CFAP97: variants seen among roughly 807,000 people sequenced by gnomAD.
CFAP97 encodes cilia- and flagella-associated protein 97.
Under a neutral mutation model 43.1 loss-of-function variants are expected in CFAP97, and 36 were observed. The observed-to-expected ratio is 0.84, with a 90% CI of 0.64 to 1.10. The LOEUF (loss-of-function observed/expected upper bound fraction) is 1.10, where lower values mean the gene tolerates loss of function less well. Among genes scored for constraint, CFAP97 ranks in the 50% least tolerant of loss-of-function variants. The pLI, the probability that CFAP97 is intolerant of heterozygous loss-of-function variation, is 0.00. For synonymous variants in CFAP97, 228 were observed against 225.7 expected, an observed-to-expected ratio of 1.01 and a Z score of -0.09; for missense variants, 657 against 620.3, an observed-to-expected ratio of 1.06 and a Z score of -0.63.
At position 185,190,817 on chromosome 4, in the gene CFAP97, CCTT is replaced by C. The variant is rs528775501; in HGVS notation, c.377_379del (p.Glu126del). ...TCCATCTGTGTAGTAATCATCTTCA[CCTT>C]CTTTTACAATTTTGGGAATTCTATT... On this transcript the variant is annotated inframe_deletion, in exon 2 of 5. Coordinates refer to ENST00000458385, the MANE Select transcript of CFAP97 (RefSeq NM_020827.3). 1,162 of 1,608,772 alleles carry C rather than the reference CCTT, an allele frequency of 7.2e-4. 7 individuals carry two copies. The African/African-American group carries it at 0.014, about 19-fold the overall frequency.
chr4:185,190,650 C>G lies in CFAP97; in HGVS notation c.547G>C (p.Gly183Arg), dbSNP rs1736201758. 6.3e-7 allele frequency: 1 copy of G among 1,585,868 alleles called. No homozygotes were observed. The highest frequency in any genetic ancestry group is 8.6e-7 in the Non-Finnish European group (1 of 1,164,994). Residue 183 changes from glycine (G) to arginine (R), a missense_variant, in exon 2 of 5, where the codon GGT becomes CGT. By Grantham distance (125) the Gly-to-Arg change is moderately radical (BLOSUM62 -2). Transcript: ENST00000458385. ...SSSSLSSSSS[G>R]SGTDCLDAGS... ...GCATCTAAACAATCTGTACCTGAAC[C>G]TGAAGATGAGGAAGATAAAGAGGAG...
At chr4:185,187,247 A>G (rs916106377) in intron 2 of CFAP97, among the ~76,000 whole-genome samples, 2 of 152,196 alleles carry the variant, frequency 1.3e-5, no homozygotes, top group Non-Finnish European at 2.9e-5. Flanking sequence ...ATTTCCATGA[A>G]CATATGAAAT....
intron 2 of CFAP97, among the ~76,000 whole-genome samples, chr4:185,177,239 C>T (rs972389766): frequency 4.0e-5 from 6 of 151,694 alleles, no homozygotes; most frequent in Non-Finnish European, 8.8e-5. Context: ...ATGGTGAAAC[C>T]CTATCCCTAC....
At chr4:185,198,122 T>A (rs6826249) in intron 1 of CFAP97, among the ~76,000 whole-genome samples, 76,244 of 151,576 alleles carry the variant, frequency 0.5, 19,355 homozygotes, top group East Asian at 0.59. Flanking sequence ...TCAAGCTACC[T>A]GAGGCTGTCT....
intron 1 of CFAP97, among the ~76,000 whole-genome samples, chr4:185,199,832 C>CA (rs35267008): frequency 0.5 from 76,658 of 151,922 alleles, 19,577 homozygotes; most frequent in East Asian, 0.6. Flanking sequence ...ACTGCTCAGA[C>CA]AAAAAATTCA....
intron 2 of CFAP97, among the ~76,000 whole-genome samples, chr4:185,187,606 G>A (rs529298329): frequency 1.1e-4 from 16 of 152,044 alleles, no homozygotes; most frequent in South Asian, 8.3e-4. Flanking sequence ...CCTCACCAAC[G>A]GGAAAAAACC....
chr4:185,188,182 C>A (rs1212035731), intron 2 of CFAP97, among the ~76,000 whole-genome samples: 1 of 151,846 alleles, frequency 6.6e-6, no homozygotes, highest in Non-Finnish European at 1.5e-5. Context: ...GGCGTGAGCA[C>A]CGTGCTCGGC....
At position 185,190,724 on chromosome 4, in the gene CFAP97, A is replaced by G. The variant is rs1466305157; in HGVS notation, c.473T>C (p.Val158Ala). 1.9e-6 allele frequency: 3 copies of G among 1,575,624 alleles called. No individual in the cohort carries two copies. Among genetic ancestry groups the G allele is most frequent in the Non-Finnish European group, 2.6e-6 (3 of 1,158,862 alleles). Reference protein sequence around the residue: ...KSKSAKPSTNVKKSIRKKYCK... With the variant: ...KSKSAKPSTNAKKSIRKKYCK... Reference sequence around the variant, plus strand: ...ATACTTTTTCCTTATGCTTTTTTTAACGTTAGTAGATGGTTTAGCGGACTT... The same window carrying G: ...ATACTTTTTCCTTATGCTTTTTTTAGCGTTAGTAGATGGTTTAGCGGACTT... Residue 158 changes from valine to alanine, a missense_variant, in exon 2 of 5, where the codon GTT becomes GCT. Transcript: ENST00000458385.
rs1341365206 is a variant in CFAP97 at position 185,163,952 on chromosome 4, CATA to C, written c.1471+74_1471+76del. 8.9e-6 allele frequency: 12 copies of C among 1,345,214 alleles called. No homozygotes were observed. The East Asian group carries it at 1.6e-4, about 18-fold the overall frequency. 83.3% of individuals were successfully genotyped at this position (1,345,214 alleles called of 1,614,324 possible). A position where few individuals can be genotyped will look rare whatever the true frequency, so the allele number is the denominator to read the frequency against. ...CCAGAGTTGGCATTTAAAACTCTAT[CATA>C]ATAACATGTTACGTTTTTTTAAAAA... On this transcript the variant is annotated intron_variant, in intron 4 of 4. Coordinates refer to ENST00000458385, the MANE Select transcript of CFAP97 (RefSeq NM_020827.3).
intron 1 of CFAP97, among the ~76,000 whole-genome samples, chr4:185,199,244 T>C (rs1375381240): frequency 6.6e-6 from 1 of 152,162 alleles, no homozygotes; most frequent in Non-Finnish European, 1.5e-5. Context: ...TAGTGGCATG[T>C]ACCTGTTAAT....
intron 1 of CFAP97, among the ~76,000 whole-genome samples, chr4:185,192,113 A>C (rs1736287172): frequency 6.6e-6 from 1 of 152,202 alleles, no homozygotes; most frequent in South Asian, 2.1e-4. Flanking sequence ...TTAGGAAGGA[A>C]GAAGCAGAGA....
intron 1 of CFAP97, among the ~76,000 whole-genome samples, chr4:185,200,500 T>C (rs1736771651): frequency 6.6e-6 from 1 of 152,034 alleles, no homozygotes; most frequent in South Asian, 2.1e-4. Flanking sequence ...ATTAGCTAGG[T>C]GTGGTAGCAC....
intron 3 of CFAP97, among the ~76,000 whole-genome samples, chr4:185,175,537 G>C (rs1735480150): frequency 6.6e-6 from 1 of 152,098 alleles, no homozygotes; most frequent in Non-Finnish European, 1.5e-5. Context: ...CGGCCTCCCA[G>C]AGTGCTAGAA....
intron 2 of CFAP97, among the ~76,000 whole-genome samples, chr4:185,178,573 A>G (rs1202848847): frequency 6.6e-6 from 1 of 152,124 alleles, no homozygotes; most frequent in Non-Finnish European, 1.5e-5. Context: ...AAAGGGCAGC[A>G]TGAAGCAAAT....
chr4:185,188,704 C>CT (rs143617442), intron 2 of CFAP97, among the ~76,000 whole-genome samples: 66,914 of 150,978 alleles, frequency 0.44, 15,598 homozygotes, highest in East Asian at 0.57. Context: ...GATTGATTTA[C>CT]TTTTTTTTTA....
upstream of CFAP97, chr4:185,210,050 G>C: frequency 1.2e-5 from 12 of 984,044 alleles, no homozygotes; most frequent in Non-Finnish European, 1.4e-5. This position sits in a 1 kb window ranked among gnomAD's most constrained non-coding sequence, Gnocchi z 4.4. Flanking sequence ...TCCTTCCTGG[G>C]GCCCGGCAGC....
At chr4:185,163,732 C>T (rs758045776) in intron 4 of CFAP97, among the ~76,000 whole-genome samples, 1 of 152,144 alleles carries the variant, frequency 6.6e-6, no homozygotes, top group Non-Finnish European at 1.5e-5. Context: ...TTAAACAGCA[C>T]ACCTATGTAT....
intron 1 of CFAP97, among the ~76,000 whole-genome samples, chr4:185,201,080 T>A (rs1353967589): frequency 2.6e-5 from 4 of 152,084 alleles, no homozygotes; most frequent in Non-Finnish European, 5.9e-5. Context: ...TCCCAACACT[T>A]TGGGAGGCCG....
rs1273495941 is a variant in CFAP97, at chr4:185,190,541, G to A, written c.656C>T (p.Pro219Leu). The change falls in exon 2 of 5, where the codon CCA (proline) becomes CTA (leucine). Residue 219 changes from proline to leucine, a missense_variant. Transcript: ENST00000458385. ...TATTCCTGATTTATACTTGTGTTTT[G>A]GTGACAGGAGGGTTATACCAGATAC... ...KHVSGITLLS[P>L]KHKYKSGIKS... 2.1e-5 allele frequency: 34 copies of A among 1,613,646 alleles called. No individual in the cohort carries two copies. Among genetic ancestry groups the A allele is most frequent in the Non-Finnish European group, 2.8e-5 (33 of 1,179,816 alleles).
Sources: allele counts gnomAD v4.1 joint callset (sites outside exome capture counted in the v4.1 genomes callset), GRCh38; gene constraint gnomAD v4.1.1; non-coding constraint Gnocchi (gnomAD v3.1); transcripts MANE v1.5; gene names NCBI Gene and HGNC (gene_info 2026-07-23, HGNC 2026-07-21).